The following RIMS1 variants were observed in gnomAD, a reference collection of about 807,000 sequenced individuals.
RIMS1 encodes the protein regulating synaptic membrane exocytosis 1.
RIMS1 carries 83 observed loss-of-function variants against 214.1 expected under a neutral mutation model. The observed-to-expected ratio is 0.39, with a 90% CI of 0.32 to 0.47. The LOEUF (loss-of-function observed/expected upper bound fraction) is 0.47. Among genes scored for constraint, RIMS1 ranks in the 20% least tolerant of loss-of-function variants. The probability of loss-of-function intolerance (pLI) is 0.99; values close to 1 mark genes in which losing one functional copy is unlikely to be tolerated. For missense variants in RIMS1, 2,050 were observed against 2,161.8 expected (o/e 0.95, Z 1.03); for synonymous variants, 793 against 786.8 (o/e 1.01, Z -0.13).
intron 9 of RIMS1, among the ~76,000 whole-genome samples, chr6:72,239,867 T>TGCCTAGGTGGGAATTCCCACCTAGAA (rs2065973669): frequency 6.6e-6 from 1 of 152,146 alleles, no homozygotes; most frequent in Non-Finnish European, 1.5e-5. Context: ...ACCTAGAAGA[T>TGCCTAGGTGGGAATTCCCACCTAGAA]GTGGTCAATG....
intron 12 of RIMS1, among the ~76,000 whole-genome samples, 185 bp from the exon 13 acceptor site, chr6:72,250,145 C>G (rs1444061179): frequency 6.6e-6 from 1 of 152,042 alleles, no homozygotes; most frequent in Non-Finnish European, 1.5e-5. Flanking sequence ...GTTTAAAGTA[C>G]TCAAAGAGAA....
chr6:71,950,528 G>A (rs1789131911), intron 1 of RIMS1, among the ~76,000 whole-genome samples: 1 of 152,134 alleles, frequency 6.6e-6, no homozygotes, highest in South Asian at 2.1e-4. Flanking sequence ...GTAGACACTG[G>A]ACATTTGAGC....
chr6:72,337,635 A>T (rs530455973), intron 29 of RIMS1, among the ~76,000 whole-genome samples: 300 of 151,496 alleles, frequency 2.0e-3, no homozygotes, highest in Non-Finnish European at 3.1e-3. Flanking sequence ...ACATGTGCAC[A>T]ATGTGCAGGT....
chr6:72,105,223 C>G, intron 4 of RIMS1, among the ~76,000 whole-genome samples: 1 of 152,112 alleles, frequency 6.6e-6, no homozygotes, highest in East Asian at 1.9e-4. Flanking sequence ...TGTGAGCCAC[C>G]ACAGCAGTCT....
At chr6:72,171,598 A>G (rs904422471) in intron 4 of RIMS1, among the ~76,000 whole-genome samples, 1 of 152,148 alleles carries the variant, frequency 6.6e-6, no homozygotes, top group Non-Finnish European at 1.5e-5. Flanking sequence ...GATAGGAACT[A>G]TTATTACCCC....
chr6:72,256,873 A>G (rs1292699948), intron 16 of RIMS1, among the ~76,000 whole-genome samples: 2 of 152,064 alleles, frequency 1.3e-5, no homozygotes, highest in Non-Finnish European at 2.9e-5. Context: ...AAAAAATTAA[A>G]GTATTTCAAA....
intron 2 of RIMS1, among the ~76,000 whole-genome samples, chr6:72,071,488 A>T (rs1830575851): frequency 6.6e-6 from 1 of 152,194 alleles, no homozygotes; most frequent in Admixed American, 6.5e-5. Flanking sequence ...GTCCTTATGG[A>T]GTTATGGGTT....
intron 1 of RIMS1, among the ~76,000 whole-genome samples, chr6:71,936,194 G>T (rs1377161291): frequency 6.6e-6 from 1 of 151,520 alleles, no homozygotes; most frequent in Non-Finnish European, 1.5e-5. Flanking sequence ...GGGCGTGGTA[G>T]CGGGCGCCTG....
chr6:72,321,877 C>T (rs1333314600), intron 28 of RIMS1, among the ~76,000 whole-genome samples: 2 of 151,992 alleles, frequency 1.3e-5, no homozygotes, highest in Admixed American at 1.3e-4. Context: ...TCATCAAGGC[C>T]TACTCATTTT....
intron 29 of RIMS1, among the ~76,000 whole-genome samples, chr6:72,382,380 C>G (rs1204199600): frequency 1.3e-5 from 2 of 151,988 alleles, no homozygotes; most frequent in African/African-American, 2.4e-5. Context: ...TAAAAAATTC[C>G]AACTATATGG....
intron 22 of RIMS1, among the ~76,000 whole-genome samples, chr6:72,273,512 G>A (rs1390792183): frequency 6.6e-6 from 1 of 152,056 alleles, no homozygotes; most frequent in Non-Finnish European, 1.5e-5. Flanking sequence ...TGCACAGACA[G>A]AATCTAAAGG....
chr6:72,304,968 T>G (rs1327847144), intron 26 of RIMS1, among the ~76,000 whole-genome samples: 3 of 151,946 alleles, frequency 2.0e-5, no homozygotes, highest in Non-Finnish European at 2.9e-5. Flanking sequence ...TTTTTTTCCT[T>G]TCACAGATTA....
intron 29 of RIMS1, among the ~76,000 whole-genome samples, chr6:72,338,664 C>A (rs1013807694): frequency 7.2e-5 from 11 of 151,946 alleles, no homozygotes; most frequent in Non-Finnish European, 8.8e-5. Context: ...AGGATATGAA[C>A]AGACACTTCT....
At chr6:72,144,620 CA>C (rs751919430) in intron 4 of RIMS1, among the ~76,000 whole-genome samples, 118 of 141,076 alleles carry the variant, frequency 8.4e-4, no homozygotes, top group Middle Eastern at 3.6e-3. Flanking sequence ...TCTTCTTTTC[CA>C]AAAAAAAAAA....
chr6:71,954,779 CA>C (rs1277519895), intron 1 of RIMS1, among the ~76,000 whole-genome samples: 1 of 150,682 alleles, frequency 6.6e-6, no homozygotes, highest in Non-Finnish European at 1.5e-5. Context: ...GATGAGTGTT[CA>C]CAGTTGCATC....
chr6:72,112,403 C>T (rs1483006313), intron 4 of RIMS1, among the ~76,000 whole-genome samples: 1 of 152,096 alleles, frequency 6.6e-6, no homozygotes, highest in Non-Finnish European at 1.5e-5. Flanking sequence ...TACATCTCTG[C>T]TCAGAACCCT....
At chr6:72,113,626 A>T (rs577872857) in intron 4 of RIMS1, among the ~76,000 whole-genome samples, 97 of 152,120 alleles carry the variant, frequency 6.4e-4, no homozygotes, top group Admixed American at 1.4e-3. Flanking sequence ...ATTAAAAATC[A>T]CTTTTTTAGT....
At chr6:72,318,241 T>G (rs943573824) in intron 28 of RIMS1, among the ~76,000 whole-genome samples, 4 of 152,168 alleles carry the variant, frequency 2.6e-5, no homozygotes, top group African/African-American at 9.6e-5. Context: ...ATTACTTCTA[T>G]ATTGGTGTAT....
chr6:72,361,271 T>G (rs972452771), intron 29 of RIMS1, among the ~76,000 whole-genome samples: 1 of 151,172 alleles, frequency 6.6e-6, no homozygotes, highest in Non-Finnish European at 1.5e-5. Context: ...ACGCCCTGCT[T>G]TTTTTTGTAT....
Sources: gnomAD v4.1 joint callset for allele counts (sites outside exome capture counted in the v4.1 genomes callset) on GRCh38, gnomAD v4.1.1 for gene constraint, MANE v1.5 for transcripts, NCBI Gene and HGNC (gene_info 2026-07-23, HGNC 2026-07-21) for gene names.